Variants in ZNF469 observed in about 807,000 individuals in gnomAD.
The protein encoded by ZNF469 is zinc finger protein 469.
Under a neutral mutation model 1.0 loss-of-function variants are expected in ZNF469, and 1 was observed. That is an observed-to-expected ratio of 1.00 (90% CI 0.35 to 4.73). The LOEUF is 4.73. Ranked by LOEUF, ZNF469 falls within the 30% of genes most tolerant of loss-of-function variation. The pLI is 0.16. For synonymous variants in ZNF469, 2,703 were observed against 2,363.4 expected (o/e 1.14, Z -4.17); for missense variants, 6,100 against 5,356.3 (o/e 1.14, Z -4.33).
At chr16:88,354,214 G>T in the ZNF469 span, among the ~76,000 whole-genome samples, 2 of 152,196 alleles carry the variant, frequency 1.3e-5, no homozygotes, top group Non-Finnish European at 2.9e-5. Context: ...TGCCGCAGGA[G>T]CCGCCAGCAT....
At chr16:88,325,288 A>C in the ZNF469 span, among the ~76,000 whole-genome samples, 1 of 148,468 alleles carries the variant, frequency 6.7e-6, no homozygotes, top group Non-Finnish European at 1.5e-5. Flanking sequence ...AAGCTGCCCG[A>C]GGTGCACCCC....
At position 88,393,344 on chromosome 16, in the gene ZNF469, C is replaced by T. The variant is rs551861958; in HGVS notation, c.-192+10090C>T. On this transcript the variant is annotated intron_variant, in intron 1 of 2. Transcript: ENST00000565624. ...TGTTAGCTGAGCGCTCAGGGCCTGCCTGGAGCTGGGAGCCGCATTTAGCTC... is the reference window on the plus strand; with the variant it reads ...TGTTAGCTGAGCGCTCAGGGCCTGCTTGGAGCTGGGAGCCGCATTTAGCTC... 3.5e-4 allele frequency among the ~76,000 whole-genome samples: 53 copies of T among 152,348 alleles called. 1 individual carries two copies. Among genetic ancestry groups the T allele is most frequent in the Non-Finnish European group, 1.9e-4 (13 of 68,030 alleles).
At chr16:88,195,906 C>G in the ZNF469 span, among the ~76,000 whole-genome samples, 1 of 152,236 alleles carries the variant, frequency 6.6e-6, no homozygotes, top group East Asian at 1.9e-4. Flanking sequence ...AGAGACAACA[C>G]CGAGCAGGAC....
chr16:88,260,646 A>G, the ZNF469 span, among the ~76,000 whole-genome samples: 1 of 152,156 alleles, frequency 6.6e-6, no homozygotes, highest in Non-Finnish European at 1.5e-5. The surrounding 1 kb of genome is among the most constrained non-coding windows in gnomAD (Gnocchi z 4.1). Context: ...CGTGTTGACT[A>G]GGATATAGAG....
chr16:88,173,387 A>G, the ZNF469 span, among the ~76,000 whole-genome samples: 1 of 152,204 alleles, frequency 6.6e-6, no homozygotes, highest in Non-Finnish European at 1.5e-5. Context: ...CAGTAAAAAT[A>G]TCATTCAAAA....
the ZNF469 span, among the ~76,000 whole-genome samples, chr16:88,326,721 A>G: frequency 2.0e-5 from 3 of 152,122 alleles, no homozygotes; most frequent in Non-Finnish European, 4.4e-5. Flanking sequence ...CCCCGCTGTG[A>G]AAGCACCTTA....
intron 1 of ZNF469, among the ~76,000 whole-genome samples, chr16:88,398,689 G>T (rs578087020): frequency 1.2e-5 from 1 of 85,094 alleles, no homozygotes; most frequent in Non-Finnish European, 2.4e-5. Flanking sequence ...TGAGCCACAG[G>T]TGGAAAGGGC....
At chr16:88,368,874 TTC>T in the ZNF469 span, among the ~76,000 whole-genome samples, 1 of 151,786 alleles carries the variant, frequency 6.6e-6, no homozygotes, top group Non-Finnish European at 1.5e-5. Flanking sequence ...AGGTCAGGAG[TTC>T]GAGACCAGCC....
chr16:88,402,164 T>C (rs1389806660), intron 1 of ZNF469, among the ~76,000 whole-genome samples: 1 of 148,652 alleles, frequency 6.7e-6, no homozygotes, highest in Non-Finnish European at 1.5e-5. Context: ...GATGGAGAGA[T>C]GGTGGATGGA....
At chr16:88,165,667 A>G in the ZNF469 span, among the ~76,000 whole-genome samples, 1 of 152,218 alleles carries the variant, frequency 6.6e-6, no homozygotes, top group African/African-American at 2.4e-5. Context: ...TTTAAGGTAC[A>G]GTTCTCTGGG....
the ZNF469 span, among the ~76,000 whole-genome samples, chr16:88,272,933 G>A: frequency 6.8e-6 from 1 of 147,676 alleles, no homozygotes; most frequent in African/African-American, 2.5e-5. Context: ...TAGACGAGTG[G>A]ACGGATGGAT....
the ZNF469 span, among the ~76,000 whole-genome samples, chr16:88,121,047 G>C: frequency 1.3e-5 from 2 of 151,728 alleles, no homozygotes; most frequent in African/African-American, 4.8e-5. Context: ...TATGTACTGT[G>C]CACAGTGGGG....
the ZNF469 span, among the ~76,000 whole-genome samples, chr16:88,120,672 G>A: frequency 2.0e-5 from 3 of 152,234 alleles, 1 homozygote; most frequent in South Asian, 4.1e-4. Flanking sequence ...GCTCCCGGGC[G>A]GGCCTCACTG....
chr16:88,222,402 C>T, the ZNF469 span, among the ~76,000 whole-genome samples: 1 of 152,184 alleles, frequency 6.6e-6, no homozygotes, highest in Non-Finnish European at 1.5e-5. Flanking sequence ...GATCCTCTTG[C>T]CTCAGCCTCC....
In ZNF469 at chr16:88,431,247, C is replaced by T. The variant is rs1440394963; in HGVS notation, c.3777C>T (p.Ser1259=). The T allele has an allele frequency of 6.5e-7, 1 of 1,550,284 alleles. No individual in the cohort carries two copies. The highest frequency in any genetic ancestry group is 8.7e-7 in the Non-Finnish European group (1 of 1,146,988). Residue 1259 remains serine (S), a synonymous_variant, in exon 3 of 3, where the codon AGC becomes AGT. Coordinates refer to ENST00000565624, the MANE Select transcript of ZNF469 (RefSeq NM_001367624.2). ...PAACAGEMGA[S]PGLLIPEQPP... ...CCTGTGCGGGAGAAATGGGAGCAAG[C>T]CCCGGTCTCCTGATACCAGAGCAGC...
chr16:88,105,910 G>T, the ZNF469 span, among the ~76,000 whole-genome samples: 30 of 152,254 alleles, frequency 2.0e-4, no homozygotes, highest in African/African-American at 7.0e-4. Flanking sequence ...ACCACCTTGT[G>T]TGTGGACAGC....
the ZNF469 span, among the ~76,000 whole-genome samples, chr16:88,325,287 G>A: frequency 4.7e-5 from 7 of 148,214 alleles, no homozygotes; most frequent in African/African-American, 1.5e-4. Flanking sequence ...TAAGCTGCCC[G>A]AGGTGCACCC....
chr16:88,248,466 C>T, the ZNF469 span, among the ~76,000 whole-genome samples: 3 of 152,154 alleles, frequency 2.0e-5, no homozygotes, highest in African/African-American at 7.2e-5. Context: ...AATCCCAGCA[C>T]TTTGGGAGGC....
At chr16:88,175,216 T>C in the ZNF469 span, among the ~76,000 whole-genome samples, 3 of 152,152 alleles carry the variant, frequency 2.0e-5, no homozygotes, top group South Asian at 2.1e-4. Flanking sequence ...CTAGAATAGA[T>C]TTAGATTGGG....
Sources: gnomAD v4.1 joint callset for allele counts (sites outside exome capture counted in the v4.1 genomes callset) on GRCh38, gnomAD v4.1.1 for gene constraint, Gnocchi (gnomAD v3.1) non-coding constraint, MANE v1.5 for transcripts, NCBI Gene and HGNC (gene_info 2026-07-23, HGNC 2026-07-21) for gene names.